Variants in DOK7 observed in about 807,000 individuals in gnomAD.
DOK7 encodes docking protein 7.
Under a neutral mutation model 30.7 loss-of-function variants are expected in DOK7, and 32 were observed. That is an observed-to-expected ratio of 1.04 (90% CI 0.79 to 1.40). The LOEUF (loss-of-function observed/expected upper bound fraction) is 1.40, where lower values mean the gene tolerates loss of function less well. DOK7 is among the 40% of genes most tolerant of loss of function. The pLI, the probability that DOK7 is intolerant of heterozygous loss-of-function variation, is 0.00. For synonymous variants in DOK7, 447 were observed against 324.1 expected, an observed-to-expected ratio of 1.38 and a Z score of -4.07; for missense variants, 1,007 against 699.2, an observed-to-expected ratio of 1.44 and a Z score of -4.97.
intron 6 of DOK7, among the ~76,000 whole-genome samples, chr4:3,499,533 GCCT>G: frequency 6.6e-6 from 1 of 152,294 alleles, no homozygotes; most frequent in South Asian, 2.1e-4. Flanking sequence ...GTGGGAGCCT[GCCT>G]CAAGTCCCAC....
Position 3,493,031 on chromosome 4 carries a change from T to G in DOK7, c.1045T>G (p.Ser349Ala). 1 of 1,570,462 alleles carries G rather than the reference T, an allele frequency of 6.4e-7. No homozygotes were observed. The highest frequency in any genetic ancestry group is 2.3e-5 in the East Asian group (1 of 43,174). Reference protein sequence around the residue: ...GIATGSHSSYSSSLSSYAGSS... With the variant: ...GIATGSHSSYASSLSSYAGSS... The stretch of plus-strand genomic sequence containing the variant: ...CGCCACTGGCAGCCACTCCTCTTAC[T>G]CCAGCAGCCTCTCGTCCTACGCGGG... Residue 349 changes from serine (S) to alanine (A), a missense_variant, in exon 7 of 7, where the codon TCC becomes GCC. By Grantham distance (99) the Ser-to-Ala change is moderately conservative (BLOSUM62 1). Coordinates refer to ENST00000340083, the MANE Select transcript of DOK7 (RefSeq NM_173660.5).
chr4:3,470,304 G>C (rs1726684370), intron 2 of DOK7, among the ~76,000 whole-genome samples: 1 of 152,214 alleles, frequency 6.6e-6, no homozygotes, highest in Admixed American at 6.5e-5. Context: ...TACATATGCA[G>C]AAACCCTGTT....
At chr4:3,473,914 G>A (rs553213207) in intron 3 of DOK7, among the ~76,000 whole-genome samples, 93 of 152,212 alleles carry the variant, frequency 6.1e-4, no homozygotes, top group Non-Finnish European at 1.3e-3. Flanking sequence ...TTGGAGGGAC[G>A]TGGCTTCCCA....
At position 3,493,070 on chromosome 4, in the gene DOK7, G is replaced by A. The variant is rs760157322; in HGVS notation, c.1084G>A (p.Val362Met). The change falls in exon 7 of 7, where the codon GTG (valine) becomes ATG (methionine). Residue 362 changes from valine to methionine, a missense_variant. Physicochemically the swap from Val to Met is conservative, Grantham distance 21 (BLOSUM62 1). Transcript: ENST00000340083. ...LSSYAGSSLD[V>M]WRATDELGSL... ...GTCCTACGCGGGCAGCAGCCTGGAC[G>A]TGTGGCGGGCCACAGATGAACTGGG... 4.2e-5 allele frequency: 66 copies of A among 1,575,436 alleles called. No homozygotes were observed. Among genetic ancestry groups the A allele is most frequent in the Admixed American group, 3.3e-4 (18 of 55,354 alleles).
intron 6 of DOK7, among the ~76,000 whole-genome samples, chr4:3,490,186 C>G (rs1274704571): frequency 5.7e-5 from 4 of 70,518 alleles, no homozygotes; most frequent in African/African-American, 2.2e-4. Flanking sequence ...TCCGCCCCCC[C>G]CACTCATTCC....
intron 4 of DOK7, among the ~76,000 whole-genome samples, chr4:3,480,586 C>T (rs964244980): frequency 2.0e-5 from 3 of 152,160 alleles, no homozygotes; most frequent in African/African-American, 4.8e-5. Flanking sequence ...CCAGCCAAGG[C>T]AACAGAGCCA....
chr4:3,491,119 C>A (rs1285440883), intron 6 of DOK7, among the ~76,000 whole-genome samples: 1 of 120,894 alleles, frequency 8.3e-6, no homozygotes, highest in African/African-American at 3.1e-5. Context: ...TCCCCCTGCT[C>A]GTTCATTCGT....
chr4:3,466,489 G>A (rs1319307280), intron 2 of DOK7, among the ~76,000 whole-genome samples: 1 of 152,202 alleles, frequency 6.6e-6, no homozygotes, highest in Non-Finnish European at 1.5e-5. Flanking sequence ...GCCTCCTGGT[G>A]GTGGATTTCC....
intron 2 of DOK7, among the ~76,000 whole-genome samples, chr4:3,468,625 CGTGTGTATATGCCTGTGTGTGT>C (rs1726496839): frequency 7.3e-6 from 1 of 137,328 alleles, no homozygotes; most frequent in African/African-American, 2.7e-5. Context: ...TTTGTGTGTG[CGTGTGTATATGCCTGTGTGTGT>C]GCATGTATGA....
intron 5 of DOK7, among the ~76,000 whole-genome samples, chr4:3,487,091 C>T (rs187220256): frequency 3.9e-4 from 60 of 152,288 alleles, no homozygotes; most frequent in Admixed American, 1.7e-3. Flanking sequence ...CCAGAAGTCC[C>T]AGACCCCACT....
downstream of DOK7, chr4:3,494,595 A>G: frequency 1.2e-6 from 1 of 866,102 alleles, no homozygotes; most frequent in Non-Finnish European, 1.4e-6. Flanking sequence ...CCTTTATCTC[A>G]GAGAGTGCGA....
At chr4:3,486,019 G>A (rs1477067280) in intron 5 of DOK7, among the ~76,000 whole-genome samples, 1 of 151,958 alleles carries the variant, frequency 6.6e-6, no homozygotes, top group Non-Finnish European at 1.5e-5. Flanking sequence ...AGCAGGGAAG[G>A]CCTTGCCCGA....
intron 5 of DOK7, 37 bp from the exon 6 acceptor site, chr4:3,489,640 T>G (rs1309162519): frequency 1.3e-6 from 2 of 1,558,466 alleles, no homozygotes; most frequent in Middle Eastern, 1.7e-4. Flanking sequence ...TGGGCGGTGG[T>G]GGCCACCTCC....
At chr4:3,480,303 C>A (rs1488675546) in intron 4 of DOK7, among the ~76,000 whole-genome samples, 1 of 152,190 alleles carries the variant, frequency 6.6e-6, no homozygotes, top group African/African-American at 2.4e-5. Flanking sequence ...CTCATTTTGA[C>A]TTTTAAAAAT....
intron 6 of DOK7, 141 bp from the exon 7 acceptor site, chr4:3,492,618 T>C: frequency 8.7e-7 from 1 of 1,147,252 alleles, no homozygotes; most frequent in Non-Finnish European, 1.3e-6. Flanking sequence ...AGGTTTCTGC[T>C]GTAGGCCCCG....
At chr4:3,486,838 G>C (rs1227912918) in intron 5 of DOK7, among the ~76,000 whole-genome samples, 1 of 152,148 alleles carries the variant, frequency 6.6e-6, no homozygotes, top group African/African-American at 2.4e-5. Context: ...AGGGTGTGCA[G>C]AGTGCAGGGC....
chr4:3,493,098 C>A lies in DOK7; in HGVS notation c.1112C>A (p.Ser371Ter). 6.3e-7 allele frequency: 1 copy of A among 1,581,386 alleles called. No homozygotes were observed. The highest frequency in any genetic ancestry group is 1.1e-5 in the South Asian group (1 of 87,662). ...DVWRATDELG[S>*]LLSLPAAGAP... is the part of the protein sequence containing the mutation. Reference sequence around the variant, plus strand: ...TGGCGGGCCACAGATGAACTGGGCTCACTGCTCAGCCTGCCAGCAGCGGGG... The same window carrying A: ...TGGCGGGCCACAGATGAACTGGGCTAACTGCTCAGCCTGCCAGCAGCGGGG... Residue 371 changes from serine to a stop codon, truncating the protein, a stop_gained, in exon 7 of 7, where the codon TCA (serine) becomes TAA (stop). Transcript: ENST00000340083. LOFTEE classifies it low-confidence loss of function (END_TRUNC).
intron 6 of DOK7, among the ~76,000 whole-genome samples, chr4:3,492,034 T>A (rs1728500144): frequency 1.3e-5 from 2 of 152,178 alleles, no homozygotes; most frequent in African/African-American, 4.8e-5. Flanking sequence ...CAATAAGCTT[T>A]TGCCTTCCTG....
At chr4:3,474,593 G>A (rs1484380180) in intron 3 of DOK7, among the ~76,000 whole-genome samples, 1 of 152,264 alleles carries the variant, frequency 6.6e-6, no homozygotes, top group East Asian at 1.9e-4. Context: ...AGGCCAAGGC[G>A]GGCAGATCAC....
Sources: gnomAD v4.1 joint callset for allele counts (sites outside exome capture counted in the v4.1 genomes callset) on GRCh38, gnomAD v4.1.1 for gene constraint, MANE v1.5 for transcripts, NCBI Gene and HGNC (gene_info 2026-07-23, HGNC 2026-07-21) for gene names.